MSRB3: variants seen among roughly 807,000 people sequenced by gnomAD.
MSRB3 encodes methionine-R-sulfoxide reductase B3.
In MSRB3, 13 loss-of-function variants were observed where a neutral mutation model predicts 21.0. That is an observed-to-expected ratio of 0.62 (90% CI 0.40 to 0.98). The LOEUF (loss-of-function observed/expected upper bound fraction) is 0.98. Among genes scored for constraint, MSRB3 ranks in the 50% least tolerant of loss-of-function variants. The pLI, the probability that MSRB3 is intolerant of heterozygous loss-of-function variation, is 0.00. For synonymous variants in MSRB3, 87 were observed against 88.6 expected, an observed-to-expected ratio of 0.98 and a Z score of 0.10; for missense variants, 199 against 230.3, an observed-to-expected ratio of 0.86 and a Z score of 0.88.
At chr12:65,444,333 A>G (rs1249044160) in intron 5 of MSRB3, among the ~76,000 whole-genome samples, 1 of 152,240 alleles carries the variant, frequency 6.6e-6, no homozygotes, top group Non-Finnish European at 1.5e-5. Flanking sequence ...CCACAAGATA[A>G]TTAGGAACAA....
intron 5 of MSRB3, among the ~76,000 whole-genome samples, chr12:65,389,224 T>C (rs1879344868): frequency 6.6e-6 from 1 of 152,218 alleles, no homozygotes. Flanking sequence ...GATTCTTTCT[T>C]ACTATCCTCA....
At position 65,352,198 on chromosome 12, in the gene MSRB3, G is replaced by A. The variant is rs192456531; in HGVS notation, c.264-16800G>A. On this transcript the variant is annotated intron_variant, in intron 4 of 6. Transcript: ENST00000308259. ...AAATGTAATCCAGCATATAAACAGA[G>A]CCAACGACAAAAACCACATAATTAT... is the stretch of plus-strand genomic sequence containing the variant. 5.4e-3 allele frequency among the ~76,000 whole-genome samples: 815 copies of A among 152,100 alleles called. 6 individuals carry two copies. Among genetic ancestry groups the A allele is most frequent in the African/African-American group, 0.019 (773 of 41,508 alleles).
chr12:65,399,234 A>G (rs1489767558), intron 5 of MSRB3, among the ~76,000 whole-genome samples: 1 of 152,208 alleles, frequency 6.6e-6, no homozygotes, highest in East Asian at 1.9e-4. Context: ...CTTCCTATCC[A>G]TGAGCATGGA....
intron 5 of MSRB3, among the ~76,000 whole-genome samples, chr12:65,443,069 T>C (rs968902287): frequency 6.6e-6 from 1 of 151,922 alleles, no homozygotes; most frequent in Admixed American, 6.6e-5. Flanking sequence ...TGCTTAGGAG[T>C]TGCCGAGACA....
chr12:65,406,210 C>T (rs2136614452), intron 5 of MSRB3, among the ~76,000 whole-genome samples: 1 of 152,284 alleles, frequency 6.6e-6, no homozygotes, highest in Non-Finnish European at 1.5e-5. Flanking sequence ...TCAAGTTTTA[C>T]ATTTAAGTCT....
chr12:65,331,266 T>C (rs1006403397), intron 4 of MSRB3, among the ~76,000 whole-genome samples: 2 of 152,110 alleles, frequency 1.3e-5, no homozygotes, highest in Non-Finnish European at 2.9e-5. Context: ...TACAGAATTA[T>C]GAACTGTAAG....
intron 5 of MSRB3, among the ~76,000 whole-genome samples, chr12:65,445,961 A>G (rs1232643581): frequency 1.3e-5 from 2 of 152,162 alleles, no homozygotes; most frequent in African/African-American, 4.8e-5. Flanking sequence ...AATATTTTAA[A>G]TATCATTTTT....
chr12:65,292,687 A>T lies in MSRB3; in HGVS notation c.-52+13822A>T, dbSNP rs78803462. Among the ~76,000 whole-genome samples the T allele has an allele frequency of 3.8e-3, 576 of 152,058 alleles. 24 individuals carry two copies. In the East Asian group the frequency reaches 0.065, roughly 17 times the overall value. The stretch of plus-strand genomic sequence containing the variant: ...ACTGTCCACATCTACCGCTCAGCCC[A>T]GTTCTCAATCCTGAGCAGAAAGAGG... On this transcript the variant is annotated intron_variant, in intron 1 of 6. Coordinates refer to ENST00000308259, the MANE Select transcript of MSRB3 (RefSeq NM_001031679.3).
At chr12:65,360,926 C>A (rs1251994351) in intron 4 of MSRB3, among the ~76,000 whole-genome samples, 1 of 152,052 alleles carries the variant, frequency 6.6e-6, no homozygotes, top group Non-Finnish European at 1.5e-5. Flanking sequence ...TTCCATTAGC[C>A]TTCCCTCTTA....
intron 5 of MSRB3, among the ~76,000 whole-genome samples, chr12:65,435,128 GC>G (rs1882058062): frequency 6.6e-6 from 1 of 151,844 alleles, no homozygotes; most frequent in Non-Finnish European, 1.5e-5. Flanking sequence ...GAGTTGTGAT[GC>G]CATAATTAAG....
chr12:65,443,133 T>C (rs1168327784), intron 5 of MSRB3, among the ~76,000 whole-genome samples: 1 of 152,076 alleles, frequency 6.6e-6, no homozygotes, highest in Non-Finnish European at 1.5e-5. Flanking sequence ...AGAGATCCTG[T>C]GTGTTTGGAA....
intron 4 of MSRB3, among the ~76,000 whole-genome samples, chr12:65,346,983 T>A (rs1478444073): frequency 6.6e-6 from 1 of 152,210 alleles, no homozygotes; most frequent in East Asian, 1.9e-4. Context: ...GTTTTGTTAC[T>A]GTAGCCTTGC....
intron 4 of MSRB3, among the ~76,000 whole-genome samples, chr12:65,330,942 A>G (rs1003324887): frequency 1.3e-5 from 2 of 152,158 alleles, no homozygotes; most frequent in East Asian, 3.9e-4. Flanking sequence ...ATGAACAAAA[A>G]CGAAATAATT....
intron 2 of MSRB3, among the ~76,000 whole-genome samples, chr12:65,319,931 T>C (rs1157758433): frequency 1.3e-5 from 2 of 152,174 alleles, no homozygotes; most frequent in South Asian, 2.1e-4. Context: ...GTCTTCTGAG[T>C]GTATTTATTC....
chr12:65,462,622 A>T (rs1366428798), intron 6 of MSRB3, among the ~76,000 whole-genome samples: 1 of 152,214 alleles, frequency 6.6e-6, no homozygotes, highest in South Asian at 2.1e-4. Flanking sequence ...CTGTGACATA[A>T]ATCTATTGAG....
At chr12:65,351,225 C>G (rs1163312941) in intron 4 of MSRB3, among the ~76,000 whole-genome samples, 1 of 151,006 alleles carries the variant, frequency 6.6e-6, no homozygotes, top group East Asian at 1.9e-4. Context: ...GGATACATAA[C>G]GAAATGAAGG....
intron 4 of MSRB3, among the ~76,000 whole-genome samples, chr12:65,345,766 G>C (rs552450814): frequency 2.6e-5 from 4 of 152,140 alleles, no homozygotes; most frequent in Admixed American, 1.3e-4. Context: ...GGTGTGTGAT[G>C]TTCCCCTTCC....
chr12:65,370,757 A>G (rs1373361877), intron 5 of MSRB3, among the ~76,000 whole-genome samples: 1 of 151,800 alleles, frequency 6.6e-6, no homozygotes, highest in African/African-American at 2.4e-5. Flanking sequence ...GTTCTTATTT[A>G]AAAAAAATCT....
At chr12:65,352,478 A>G (rs1877078565) in intron 4 of MSRB3, among the ~76,000 whole-genome samples, 3 of 151,412 alleles carry the variant, frequency 2.0e-5, no homozygotes, top group Admixed American at 2.0e-4. Flanking sequence ...ATTAGGCAGG[A>G]GAAGGAAATA....
Sources: allele counts gnomAD v4.1 joint callset (sites outside exome capture counted in the v4.1 genomes callset), GRCh38; gene constraint gnomAD v4.1.1; transcripts MANE v1.5; gene names NCBI Gene and HGNC (gene_info 2026-07-23, HGNC 2026-07-21).